The following PCDHGA11 variants were observed in gnomAD, a reference collection of about 807,000 sequenced individuals.
The protein encoded by PCDHGA11 is protocadherin gamma-A11.
In PCDHGA11, 39 loss-of-function variants were observed where a neutral mutation model predicts 60.4. The ratio of observed to expected loss-of-function variants is 0.65; its 90% CI spans 0.50 to 0.84. The LOEUF (loss-of-function observed/expected upper bound fraction) is 0.84, where lower values mean the gene tolerates loss of function less well. Ranked by LOEUF, PCDHGA11 falls within the 40% of genes least tolerant of loss-of-function variation. The pLI is 0.00. For synonymous variants in PCDHGA11, 533 were observed against 510.3 expected (o/e 1.04, Z -0.60); for missense variants, 1,165 against 1,197.7 (o/e 0.97, Z 0.40).
At position 141,485,044 on chromosome 5, in the gene PCDHGA11, G is replaced by A; in HGVS notation, c.2434-9763G>A. 2 of 737,674 alleles carry A rather than the reference G, an allele frequency of 2.7e-6. No individual in the cohort carries two copies. The highest frequency in any genetic ancestry group is 1.8e-5 in the African/African-American group (1 of 56,792). The allele number at this position is 737,674 out of a possible 1,614,324, so 45.7% of individuals were successfully genotyped here. A position where few individuals can be genotyped will look rare whatever the true frequency, so the allele number is the denominator to read the frequency against. ...GCAAAAACGGCGCGTAACCCTTGCG[G>A]CGCCGGCCGAACCGCGCCAGAGCTG... On this transcript the variant is annotated intron_variant, in intron 1 of 3. Coordinates refer to ENST00000398587, the MANE Select transcript of PCDHGA11 (RefSeq NM_018914.3). This position sits in a 1 kb window ranked among gnomAD's most constrained non-coding sequence, Gnocchi z 5.7.
chr5:141,500,104 T>C (rs917633032), intron 2 of PCDHGA11, among the ~76,000 whole-genome samples: 1 of 152,124 alleles, frequency 6.6e-6, no homozygotes, highest in Non-Finnish European at 1.5e-5. Context: ...AATTTATTTG[T>C]TGAATCCCTG....
Position 141,491,905 on chromosome 5 carries a change from G to A in PCDHGA11, c.2434-2902G>A. 7.1e-7 allele frequency: 1 copy of A among 1,418,328 alleles called. No individual in the cohort carries two copies. Among genetic ancestry groups the A allele is most frequent in the Non-Finnish European group, 9.3e-7 (1 of 1,069,952 alleles). 87.9% of individuals were successfully genotyped at this position (1,418,328 alleles called of 1,614,324 possible). ...GATGGGGCTCCGAGCACCGGGGGTG[G>A]TGGCGACTGTGGGCGAGGGGAGGTG... On this transcript the variant is annotated intron_variant, in intron 1 of 3. Transcript: ENST00000398587. This position sits in a 1 kb window ranked among gnomAD's most constrained non-coding sequence, Gnocchi z 6.9.
intron 1 of PCDHGA11, among the ~76,000 whole-genome samples, chr5:141,430,066 G>A (rs550834063): frequency 4.1e-4 from 62 of 152,102 alleles, no homozygotes; most frequent in Non-Finnish European, 8.4e-4. Flanking sequence ...TCATTTTTAG[G>A]TTTCCATAAT....
intron 1 of PCDHGA11, among the ~76,000 whole-genome samples, chr5:141,483,094 G>C (rs1304382782): frequency 6.6e-6 from 1 of 152,058 alleles, no homozygotes; most frequent in African/African-American, 2.4e-5. Context: ...CAAAAAAAAA[G>C]TGTGCGTGTA....
At chr5:141,425,173 T>A (rs182492696) in intron 1 of PCDHGA11, among the ~76,000 whole-genome samples, 5 of 152,284 alleles carry the variant, frequency 3.3e-5, no homozygotes, top group Admixed American at 3.3e-4. Context: ...GGATTTATAC[T>A]TGTGGAATTC....
chr5:141,503,401 C>A (rs987421198), intron 2 of PCDHGA11, among the ~76,000 whole-genome samples: 15 of 151,848 alleles, frequency 9.9e-5, no homozygotes, highest in Non-Finnish European at 1.9e-4. Context: ...TCGAAACCAA[C>A]CTGGCCAATA....
At chr5:141,440,280 A>G (rs1389627767) in intron 1 of PCDHGA11, 1 of 152,220 alleles carries the variant, frequency 6.6e-6, no homozygotes, top group East Asian at 1.9e-4. Context: ...CAGCCTGACC[A>G]ACATAGTGAA....
At chr5:141,451,302 G>A (rs1445994098) in intron 1 of PCDHGA11, among the ~76,000 whole-genome samples, 1 of 152,208 alleles carries the variant, frequency 6.6e-6, no homozygotes, top group Non-Finnish European at 1.5e-5. Context: ...GTCTTACAAG[G>A]CAGCAATTAA....
chr5:141,495,818 GTTC>G (rs2099764072), intron 2 of PCDHGA11, among the ~76,000 whole-genome samples: 1 of 151,904 alleles, frequency 6.6e-6, no homozygotes, highest in South Asian at 2.1e-4. Context: ...AGCGCCTTGT[GTTC>G]TTCTATCCCC....
At chr5:141,427,890 G>A in intron 1 of PCDHGA11, 1 of 1,566,844 alleles carries the variant, frequency 6.4e-7, no homozygotes, top group Non-Finnish European at 8.7e-7. Flanking sequence ...CCACGACCAG[G>A]GCTCGCCCGC....
At chr5:141,492,527 G>A (rs1000672383) in intron 1 of PCDHGA11, among the ~76,000 whole-genome samples, 1 of 152,184 alleles carries the variant, frequency 6.6e-6, no homozygotes, top group African/African-American at 2.4e-5. Flanking sequence ...TCTCCCACCT[G>A]CGCCCCGGGC....
At chr5:141,427,901 G>C (rs2097088177) in intron 1 of PCDHGA11, 6 of 1,572,234 alleles carry the variant, frequency 3.8e-6, no homozygotes, top group East Asian at 2.2e-5. Flanking sequence ...GCTCGCCCGC[G>C]CTCAGCGCCA....
chr5:141,480,065 A>G (rs2099511928), intron 1 of PCDHGA11, among the ~76,000 whole-genome samples: 1 of 152,220 alleles, frequency 6.6e-6, no homozygotes, highest in Non-Finnish European at 1.5e-5. Flanking sequence ...TAAGTGTTTT[A>G]TAAGATTCAT....
rs544678317 is a variant in PCDHGA11, at chr5:141,430,911, A to C, written c.2433+7251A>C. The C allele has an allele frequency of 1.9e-5, 31 of 1,607,958 alleles. No homozygotes were observed. The Admixed American group carries it at 2.2e-4, about 11-fold the overall frequency. ...TCTAGGGTGGGCGACATCTCCAGGG[A>C]CCTGGGGCTGGAGCCCCGGGAGCTC... On this transcript the variant is annotated intron_variant, in intron 1 of 3. Transcript: ENST00000398587.
At chr5:141,508,434 G>A (rs2099868795) in intron 3 of PCDHGA11, among the ~76,000 whole-genome samples, 1 of 152,160 alleles carries the variant, frequency 6.6e-6, no homozygotes, top group Admixed American at 6.5e-5. Flanking sequence ...AGCTCACACA[G>A]TTCCTTAGTG....
intron 1 of PCDHGA11, among the ~76,000 whole-genome samples, chr5:141,467,680 T>A (rs75237059): frequency 6.6e-6 from 1 of 152,138 alleles, no homozygotes; most frequent in Non-Finnish European, 1.5e-5. Flanking sequence ...TTATTTTTTT[T>A]AGACAGGGTC....
At position 141,432,580 on chromosome 5, in the gene PCDHGA11, T is replaced by C. The variant is rs773087131; in HGVS notation, c.2433+8920T>C. 20 of 1,613,202 alleles carry C rather than the reference T, an allele frequency of 1.2e-5. No individual in the cohort carries two copies. The highest frequency in any genetic ancestry group is 4.0e-5 in the African/African-American group (3 of 74,662). On this transcript the variant is annotated intron_variant, in intron 1 of 3. Transcript: ENST00000398587. The surrounding 1 kb of genome is among the most constrained non-coding windows in gnomAD (Gnocchi z 6.0). ...GCCAGAACGCCTGGCTGTCCTACCG[T>C]CTGCTCAAGGCCAGCGAGCCGGGAC... is the stretch of plus-strand genomic sequence containing the variant.
intron 2 of PCDHGA11, among the ~76,000 whole-genome samples, chr5:141,501,109 C>G (rs909874167): frequency 2.0e-5 from 3 of 152,106 alleles, no homozygotes; most frequent in Non-Finnish European, 4.4e-5. Context: ...CCTCGTGATC[C>G]GCCTGCCTCA....
intron 1 of PCDHGA11, among the ~76,000 whole-genome samples, chr5:141,462,430 T>C (rs1471523013): frequency 2.0e-5 from 3 of 152,230 alleles, no homozygotes; most frequent in African/African-American, 4.8e-5. Flanking sequence ...TTGGTGAGTG[T>C]TGCTTACACA....
Sources: gnomAD v4.1 joint callset for allele counts (sites outside exome capture counted in the v4.1 genomes callset) on GRCh38, gnomAD v4.1.1 for gene constraint, Gnocchi (gnomAD v3.1) non-coding constraint, MANE v1.5 for transcripts, NCBI Gene and HGNC (gene_info 2026-07-23, HGNC 2026-07-21) for gene names.